The following FBP2 variants were observed in gnomAD, a reference collection of about 807,000 sequenced individuals.
FBP2 encodes the protein fructose-1,6-bisphosphatase isozyme 2.
A neutral mutation model predicts 31.6 loss-of-function variants in FBP2; 27 were observed. The observed-to-expected ratio is 0.85, with a 90% CI of 0.63 to 1.18. The LOEUF is 1.18. Ranked by LOEUF, FBP2 falls within the 50% of genes most tolerant of loss-of-function variation. FBP2 has a pLI of 0.00. For synonymous variants in FBP2, 168 were observed against 179.8 expected (o/e 0.93, Z 0.53); for missense variants, 421 against 436.1 (o/e 0.97, Z 0.31).
intron 2 of FBP2, 72 bp from the exon 3 acceptor site, chr9:94,584,741 G>A (rs1440789458): frequency 6.7e-6 from 6 of 901,242 alleles, no homozygotes; most frequent in African/African-American, 1.6e-5. Context: ...TGTCAGGGCT[G>A]TGCGTGGCAG....
chr9:94,560,683 C>A (rs1420548285), intron 6 of FBP2, among the ~76,000 whole-genome samples: 2 of 147,284 alleles, frequency 1.4e-5, no homozygotes, highest in Non-Finnish European at 3.0e-5. Flanking sequence ...TAATTTTTTT[C>A]TATTTTTCTA....
intron 5 of FBP2, among the ~76,000 whole-genome samples, chr9:94,566,294 G>A (rs1158461937): frequency 2.0e-5 from 3 of 152,226 alleles, no homozygotes; most frequent in East Asian, 1.9e-4. Context: ...TAATGCCCAC[G>A]CTGGAAGGTT....
intron 1 of FBP2, among the ~76,000 whole-genome samples, chr9:94,591,198 G>A (rs1827496963): frequency 1.3e-5 from 2 of 152,258 alleles, no homozygotes; most frequent in Admixed American, 1.3e-4. Context: ...GCGGGGGGTG[G>A]CGCTCGTCGG....
In FBP2 at chr9:94,561,456, A is replaced by G. The variant is rs772262846; in HGVS notation, c.825+1886T>C. Among the ~76,000 whole-genome samples the G allele has an allele frequency of 2.1e-4, 29 of 137,138 alleles. No individual in the cohort carries two copies. In the South Asian group the frequency reaches 3.1e-3, roughly 14 times the overall value. 90.0% of individuals were successfully genotyped at this position (137,138 alleles called of 152,430 possible). ...CGGCTCACTGCAAGCTCCGCCTCCC[A>G]GGTTCACGCCATTCTCCTGCCTCAG... is the stretch of plus-strand genomic sequence containing the variant. On this transcript the variant is annotated intron_variant, in intron 6 of 6. Transcript: ENST00000375337.
In FBP2 at chr9:94,584,708, T is replaced by C. The variant is rs749933799; in HGVS notation, c.334-39A>G. ...GAAAGCACCAACTGATCAGCACATCTTCCCATTAGCACAATTGCTCTGTGT... is the reference window on the plus strand; with the variant it reads ...GAAAGCACCAACTGATCAGCACATCCTCCCATTAGCACAATTGCTCTGTGT... On this transcript the variant is annotated intron_variant, in intron 2 of 6. Coordinates refer to ENST00000375337, the MANE Select transcript of FBP2 (RefSeq NM_003837.4). 3 of 1,251,560 alleles carry C rather than the reference T, an allele frequency of 2.4e-6. No individual in the cohort carries two copies. In the South Asian group the frequency reaches 3.6e-5, roughly 15 times the overall value. The allele number at this position is 1,251,560 out of a possible 1,614,324, so 77.5% of individuals were successfully genotyped here. A position where few individuals can be genotyped will look rare whatever the true frequency, so the allele number is the denominator to read the frequency against.
At position 94,579,050 on chromosome 9, in the gene FBP2, C is replaced by CAAAAAAAAAAAAAAA. The variant is rs55778806; in HGVS notation, c.426+5512_426+5526dup. Among the ~76,000 whole-genome samples, 34 of 30,590 alleles carry CAAAAAAAAAAAAAAA rather than the reference C, an allele frequency of 1.1e-3. 7 individuals are homozygous for CAAAAAAAAAAAAAAA. The highest frequency in any genetic ancestry group is 5.0e-3 in the East Asian group (4 of 804). The allele number at this position is 30,590 out of a possible 152,430, so 20.1% of individuals were successfully genotyped here. On this transcript the variant is annotated intron_variant, in intron 3 of 6. Coordinates refer to ENST00000375337, the MANE Select transcript of FBP2 (RefSeq NM_003837.4). ...CCTGGGCAACAGAGAGAGACTCTGTCAAAAAAAAAAAAAAAAAAAGGTTAT... is the reference window on the plus strand; with the variant it reads ...CCTGGGCAACAGAGAGAGACTCTGTCAAAAAAAAAAAAAAAAAAAAAAAAAAAAAAAAAAGGTTAT...
chr9:94,590,516 G>A (rs1554748692), intron 1 of FBP2, among the ~76,000 whole-genome samples: 2 of 152,294 alleles, frequency 1.3e-5, no homozygotes, highest in African/African-American at 2.4e-5. Flanking sequence ...GAATGAAGCC[G>A]CGGACCCTCG....
chr9:94,569,506 G>T (rs1037082041), intron 4 of FBP2: 2 of 152,274 alleles, frequency 1.3e-5, no homozygotes, highest in African/African-American at 4.8e-5. Context: ...ATCAGGGCGG[G>T]TGAAAACGCC....
intron 3 of FBP2, 107 bp downstream of exon 3, chr9:94,584,470 T>C: frequency 1.4e-6 from 1 of 720,550 alleles, no homozygotes; most frequent in Non-Finnish European, 2.5e-6. Context: ...GCTTTTCTCG[T>C]TAGTGGGAAG....
chr9:94,590,081 C>T (rs1008727808), intron 1 of FBP2, among the ~76,000 whole-genome samples: 10 of 152,250 alleles, frequency 6.6e-5, no homozygotes, highest in African/African-American at 2.4e-4. Context: ...AGCCGACCCC[C>T]TGCACCCTCT....
intron 3 of FBP2, 67 bp from the exon 4 acceptor site, chr9:94,571,669 C>T: frequency 6.9e-7 from 1 of 1,442,148 alleles, no homozygotes; most frequent in East Asian, 2.4e-5. Context: ...TGCCAGGGGC[C>T]TGGGCTTCAG....
At chr9:94,590,280 G>A (rs1004552155) in intron 1 of FBP2, among the ~76,000 whole-genome samples, 13 of 152,204 alleles carry the variant, frequency 8.5e-5, no homozygotes, top group African/African-American at 2.9e-4. Flanking sequence ...ATCCCCCACG[G>A]CCATGAGAAA....
At chr9:94,559,213 G>C in intron 6 of FBP2, 81 bp from the exon 7 acceptor site, 1 of 1,291,596 alleles carries the variant, frequency 7.7e-7, no homozygotes, top group Non-Finnish European at 1.1e-6. Flanking sequence ...TGGGGGAGGA[G>C]TTTGTACTGC....
intron 3 of FBP2, among the ~76,000 whole-genome samples, chr9:94,579,127 G>A (rs111648496): frequency 0.014 from 2,062 of 143,376 alleles, 55 homozygotes; most frequent in African/African-American, 0.05. Flanking sequence ...GGCCAGGCAC[G>A]GTGGCTTATG....
intron 1 of FBP2, among the ~76,000 whole-genome samples, chr9:94,590,646 C>T (rs1317304810): frequency 6.6e-6 from 1 of 152,184 alleles, no homozygotes; most frequent in Non-Finnish European, 1.5e-5. Context: ...TGTTACAGAT[C>T]ATAAAAGCAG....
chr9:94,566,453 T>C (rs113453602), intron 5 of FBP2, among the ~76,000 whole-genome samples: 12,533 of 152,382 alleles, frequency 0.082, 573 homozygotes, highest in South Asian at 0.16. Context: ...AACCTATTCC[T>C]TTAATTTGGC....
chr9:94,587,424 C>A lies in FBP2; in HGVS notation c.216G>T (p.Lys72Asn). The change falls in exon 2 of 7, where the codon AAG (lysine) becomes AAT (asparagine). Residue 72 changes from lysine (K) to asparagine (N), a missense_variant. Transcript: ENST00000375337. Reference protein sequence around the residue: ...GSVNVTGDEVKKLDVLSNSLV... With the variant: ...GSVNVTGDEVNKLDVLSNSLV... ...GGGAATTGGATAGCACATCCAGTTTCTTCACCTCATCTCCCGTCACGTTAA... is the reference window on the plus strand; with the variant it reads ...GGGAATTGGATAGCACATCCAGTTTATTCACCTCATCTCCCGTCACGTTAA... 6.2e-7 allele frequency: 1 copy of A among 1,614,142 alleles called. No homozygotes were observed. The highest frequency in any genetic ancestry group is 8.5e-7 in the Non-Finnish European group (1 of 1,180,020).
intron 1 of FBP2, among the ~76,000 whole-genome samples, chr9:94,590,028 T>C (rs1827474187): frequency 6.6e-6 from 1 of 152,132 alleles, no homozygotes; most frequent in Non-Finnish European, 1.5e-5. Flanking sequence ...GCCTCTGTCC[T>C]GCGCTTTGCA....
chr9:94,593,778 T>G lies in FBP2; in HGVS notation c.-52A>C, dbSNP rs754566439. The G allele has an allele frequency of 6.3e-7, 1 of 1,593,616 alleles. No homozygotes were observed. ...TCTCCCGGCAGGAAACCTTGCTTAC[T>G]TCTGAGGGCTGCAGCTCCGCAGTGT... On this transcript the variant is annotated 5_prime_UTR_variant, in exon 1 of 7. Transcript: ENST00000375337.
Sources: allele counts gnomAD v4.1 joint callset (sites outside exome capture counted in the v4.1 genomes callset), GRCh38; gene constraint gnomAD v4.1.1; transcripts MANE v1.5; gene names NCBI Gene and HGNC (gene_info 2026-07-23, HGNC 2026-07-21).